The following MYH13 variants were observed in gnomAD, a reference collection of about 807,000 sequenced individuals.
MYH13 encodes the protein myosin-13.
In MYH13, 177 loss-of-function variants were observed where a neutral mutation model predicts 232.1. The ratio of observed to expected loss-of-function variants is 0.76; its 90% CI spans 0.67 to 0.86. The LOEUF (loss-of-function observed/expected upper bound fraction) is 0.86, where lower values mean the gene tolerates loss of function less well. Among genes scored for constraint, MYH13 ranks in the 40% least tolerant of loss-of-function variants. The probability of loss-of-function intolerance (pLI) is 0.00; values close to 1 mark genes in which losing one functional copy is unlikely to be tolerated. For missense variants in MYH13, 2,246 were observed against 2,405.9 expected, an observed-to-expected ratio of 0.93 and a Z score of 1.39; for synonymous variants, 884 against 923.5, an observed-to-expected ratio of 0.96 and a Z score of 0.78.
intron 24 of MYH13, among the ~76,000 whole-genome samples, chr17:10,321,053 C>G (rs1906922391): frequency 6.6e-6 from 1 of 152,144 alleles, no homozygotes; most frequent in Admixed American, 6.5e-5. Context: ...TGAGTAAAAC[C>G]TGAAAACTTC....
chr17:10,366,040 A>G (rs1287547818), intron 2 of MYH13, among the ~76,000 whole-genome samples: 1 of 151,838 alleles, frequency 6.6e-6, no homozygotes, highest in Admixed American at 6.6e-5. Flanking sequence ...AATGCAGAAA[A>G]TTCATCTTAA....
At chr17:10,362,083 G>A in intron 5 of MYH13, 35 bp downstream of exon 5, 1 of 1,613,044 alleles carries the variant, frequency 6.2e-7, no homozygotes, top group Non-Finnish European at 8.5e-7. Context: ...AACTAAGGAT[G>A]GCTTCAAAAA....
Position 10,351,858 on chromosome 17 carries a change from T to A in MYH13, c.1006-1164A>T, listed in dbSNP as rs1011225905. Among the ~76,000 whole-genome samples the A allele has an allele frequency of 1.3e-5, 2 of 152,172 alleles. 1 individual carries two copies. The highest frequency in any genetic ancestry group is 4.8e-5 in the African/African-American group (2 of 41,442). The stretch of plus-strand genomic sequence containing the variant: ...CCTGTAGAGTGTCCATTGGTAGGAT[T>A]GAAACATGTTTGGACGTGTTTGGTG... On this transcript the variant is annotated intron_variant, in intron 11 of 40. Transcript: ENST00000252172.
rs999744116 is a variant in MYH13 at position 10,364,618 on chromosome 17, A to T, written c.-12-76T>A. On this transcript the variant is annotated intron_variant, in intron 2 of 40. Coordinates refer to ENST00000252172, the MANE Select transcript of MYH13 (RefSeq NM_003802.3). ...GCTGCAGGGCCCCTACCCTTATTCT[A>T]TTAAAACGGGGCCAGATTCAAAGGC... 3.1e-6 allele frequency: 4 copies of T among 1,297,766 alleles called. No homozygotes were observed. In the East Asian group the frequency reaches 1.0e-4, roughly 33 times the overall value. 80.4% of individuals were successfully genotyped at this position (1,297,766 alleles called of 1,614,324 possible). A position where few individuals can be genotyped will look rare whatever the true frequency, so the allele number is the denominator to read the frequency against.
rs544964769 is a variant in MYH13 at position 10,368,843 on chromosome 17, C to T, written c.-13+2366G>A. 5.3e-5 allele frequency among the ~76,000 whole-genome samples: 8 copies of T among 152,280 alleles called. No individual in the cohort carries two copies. The South Asian group carries it at 8.3e-4, about 16-fold the overall frequency. ...CCTTATAATATGTAGCTTGACTTAG[C>T]GTTAAGCATGATACCCAAAAGTGTT... On this transcript the variant is annotated intron_variant, in intron 2 of 40. Coordinates refer to ENST00000252172, the MANE Select transcript of MYH13 (RefSeq NM_003802.3).
rs543597447 is a variant in MYH13, at chr17:10,315,879, A to G, written c.3865+20T>C. ...CCTCTCCCATGGCCCGGCTGGACCC[A>G]GAGCCCTGCCCATTCTCACCATTTT... On this transcript the variant is annotated intron_variant, in intron 28 of 40. Coordinates refer to ENST00000252172, the MANE Select transcript of MYH13 (RefSeq NM_003802.3). The G allele has an allele frequency of 3.0e-5, 48 of 1,613,932 alleles. No homozygotes were observed. In the South Asian group the frequency reaches 4.8e-4, roughly 16 times the overall value.
chr17:10,309,209 A>C (rs368422078), intron 35 of MYH13, 25 bp downstream of exon 35: 14 of 1,607,030 alleles, frequency 8.7e-6, no homozygotes, highest in Non-Finnish European at 1.2e-5. Context: ...GTGGACCTTC[A>C]GCGGAGGAGT....
intron 2 of MYH13, among the ~76,000 whole-genome samples, chr17:10,365,358 G>C (rs2071826012): frequency 6.6e-6 from 1 of 152,218 alleles, no homozygotes; most frequent in Non-Finnish European, 1.5e-5. Context: ...TAAATAACAA[G>C]ATGATGGGAG....
At chr17:10,336,345 G>A (rs903951071) in intron 18 of MYH13, among the ~76,000 whole-genome samples, 2 of 152,190 alleles carry the variant, frequency 1.3e-5, no homozygotes, top group African/African-American at 4.8e-5. Context: ...TCCAGCCGCT[G>A]AAGGGTTTTT....
intron 33 of MYH13, 106 bp downstream of exon 33, chr17:10,310,997 A>C: frequency 7.1e-7 from 1 of 1,415,924 alleles, no homozygotes; most frequent in Non-Finnish European, 9.6e-7. Flanking sequence ...CTCCCAATGG[A>C]GACTCAGGGT....
chr17:10,347,012 A>G (rs1236468381), intron 12 of MYH13, among the ~76,000 whole-genome samples: 1 of 152,198 alleles, frequency 6.6e-6, no homozygotes, highest in Non-Finnish European at 1.5e-5. Flanking sequence ...TCCTAGATGC[A>G]GTTTTAACAA....
chr17:10,331,007 A>G (rs1426248277), intron 20 of MYH13, among the ~76,000 whole-genome samples: 1 of 151,758 alleles, frequency 6.6e-6, no homozygotes, highest in Admixed American at 6.6e-5. Context: ...ACAGAGCAAG[A>G]CTCTGTCTCA....
Position 10,320,483 on chromosome 17 carries a change from A to G in MYH13, c.3125T>C (p.Leu1042Ser), listed in dbSNP as rs1281934443. 1.2e-6 allele frequency: 2 copies of G among 1,612,766 alleles called. No homozygotes were observed. The highest frequency in any genetic ancestry group is 1.7e-6 in the Non-Finnish European group (2 of 1,179,536). The stretch of plus-strand genomic sequence containing the variant: ...CGCCCGCAGTTTCTTCTCCTGCTCT[A>G]AGGAACCCTCAAGCTGAGAAGACAC... Reference protein sequence around the residue: ...EQQTDDLEGSLEQEKKLRADL... With the variant: ...EQQTDDLEGSSEQEKKLRADL... The change falls in exon 25 of 41, where the codon TTA becomes TCA. Residue 1042 changes from leucine to serine, a missense_variant. Transcript: ENST00000252172.
At position 10,313,244 on chromosome 17, in the gene MYH13, C is replaced by T; in HGVS notation, c.4095G>A (p.Leu1365=). ...GGGCAACCTCACTGTTGGCCTTGGA[C>T]AGCGCCCTCTGCAGCTCGGCCTTGG... ...QEAKAELQRA[L]SKANSEVAQW... is the part of the protein sequence containing the mutation. Residue 1365 remains leucine (L), a synonymous_variant, in exon 30 of 41, where the codon CTG becomes CTA. Coordinates refer to ENST00000252172, the MANE Select transcript of MYH13 (RefSeq NM_003802.3). 2 of 1,614,220 alleles carry T rather than the reference C, an allele frequency of 1.2e-6. No homozygotes were observed. The highest frequency in any genetic ancestry group is 1.1e-5 in the South Asian group (1 of 91,088).
intron 2 of MYH13, among the ~76,000 whole-genome samples, chr17:10,370,936 C>G (rs2071873512): frequency 6.6e-6 from 1 of 152,104 alleles, no homozygotes; most frequent in South Asian, 2.1e-4. Flanking sequence ...ATGTTCTGTG[C>G]CAACTAAGTA....
chr17:10,309,503 A>G lies in MYH13; in HGVS notation c.4965+19T>C. 1.9e-6 allele frequency: 3 copies of G among 1,602,190 alleles called. No individual in the cohort carries two copies. The highest frequency in any genetic ancestry group is 2.6e-6 in the Non-Finnish European group (3 of 1,173,642). On this transcript the variant is annotated intron_variant, in intron 34 of 40. Coordinates refer to ENST00000252172, the MANE Select transcript of MYH13 (RefSeq NM_003802.3). ...GGCTGGGGCCCGTCCAGGTACGCAG[A>G]GGCGGCCACCGTGCTCACCTTGAGC... is the stretch of plus-strand genomic sequence containing the variant.
At chr17:10,318,675 G>A in intron 27 of MYH13, 115 bp downstream of exon 27, 2 of 1,342,768 alleles carry the variant, frequency 1.5e-6, no homozygotes. Flanking sequence ...AAATAGGGAA[G>A]AGGGTTTCAG....
At chr17:10,365,028 A>G (rs568299589) in intron 2 of MYH13, among the ~76,000 whole-genome samples, 2 of 151,920 alleles carry the variant, frequency 1.3e-5, no homozygotes, top group African/African-American at 2.4e-5. Context: ...GCCCACCACC[A>G]CACCCAGCTA....
chr17:10,306,561 C>T lies in MYH13; in HGVS notation c.5364G>A (p.Lys1788=), dbSNP rs767734756. 6 of 1,614,006 alleles carry T rather than the reference C, an allele frequency of 3.7e-6. No homozygotes were observed. In the African/African-American group the frequency reaches 5.3e-5, roughly 14 times the overall value. Residue 1788 remains lysine (K), a synonymous_variant, in exon 37 of 41, where the codon AAG becomes AAA. Transcript: ENST00000252172. The surrounding 1 kb of genome is among the most constrained non-coding windows in gnomAD (Gnocchi z 4.3). ...DTSAHLERMK[K]NLEQTVKDLQ... ...GGTCCTTCACCGTCTGCTCCAGGTT[C>T]TTCTTCATCCGCTCCAGGTGGGCGC...
Sources: allele counts gnomAD v4.1 joint callset (sites outside exome capture counted in the v4.1 genomes callset), GRCh38; gene constraint gnomAD v4.1.1; non-coding constraint Gnocchi (gnomAD v3.1); transcripts MANE v1.5; gene names NCBI Gene and HGNC (gene_info 2026-07-23, HGNC 2026-07-21).